Variants in TNPO1 observed in about 807,000 individuals in gnomAD.
TNPO1 encodes transportin-1.
Under a neutral mutation model 119.5 loss-of-function variants are expected in TNPO1, and 8 were observed. The ratio of observed to expected loss-of-function variants is 0.07; its 90% CI spans 0.04 to 0.12. TNPO1 has a LOEUF of 0.12. Ranked by LOEUF, TNPO1 falls within the 10% of genes least tolerant of loss-of-function variation. The pLI, the probability that TNPO1 is intolerant of heterozygous loss-of-function variation, is 1.00. For missense variants in TNPO1, 576 were observed against 1,089.8 expected, an observed-to-expected ratio of 0.53 and a Z score of 6.64; for synonymous variants, 362 against 363.0, an observed-to-expected ratio of 1.00 and a Z score of 0.03.
At position 72,911,241 on chromosome 5, in the gene TNPO1, T is replaced by G. The variant is rs944059573; in HGVS notation, c.*2568T>G. The G allele has an allele frequency of 2.0e-5, 3 of 152,126 alleles. No homozygotes were observed. Among genetic ancestry groups the G allele is most frequent in the South Asian group, 4.1e-4 (2 of 4,824 alleles). 9.4% of individuals were successfully genotyped at this position (152,126 alleles called of 1,614,324 possible). A position where few individuals can be genotyped will look rare whatever the true frequency, so the allele number is the denominator to read the frequency against. ...ATTGACTAAAGGCAATATTGTCACC[T>G]GTCTCATTAAAAATTAGTTTCCAGT... On this transcript the variant is annotated 3_prime_UTR_variant, in exon 25 of 25. Coordinates refer to ENST00000337273, the MANE Select transcript of TNPO1 (RefSeq NM_002270.4).
chr5:72,817,750 G>A (rs1373173458), intron 1 of TNPO1, among the ~76,000 whole-genome samples: 1 of 152,138 alleles, frequency 6.6e-6, no homozygotes, highest in African/African-American at 2.4e-5. Flanking sequence ...GATGTATGGT[G>A]TAATAGGTGT....
At chr5:72,893,336 A>C (rs769287907) in intron 16 of TNPO1, 41 bp from the exon 17 acceptor site, 34 of 1,607,398 alleles carry the variant, frequency 2.1e-5, no homozygotes, top group Non-Finnish European at 2.9e-5. Context: ...TAAGTAGTTA[A>C]TTAAAACCAA....
intron 1 of TNPO1, among the ~76,000 whole-genome samples, chr5:72,818,446 ATGT>A (rs1448351303): frequency 6.6e-6 from 1 of 152,214 alleles, no homozygotes; most frequent in Non-Finnish European, 1.5e-5. Flanking sequence ...GTTTTTCTAA[ATGT>A]TGTAAATGAG....
At chr5:72,846,358 C>T (rs1745129264) in intron 1 of TNPO1, among the ~76,000 whole-genome samples, 1 of 151,440 alleles carries the variant, frequency 6.6e-6, no homozygotes, top group South Asian at 2.1e-4. Flanking sequence ...ATGTATTGGC[C>T]CGGAATTATG....
At chr5:72,905,745 A>G (rs866214135) in intron 24 of TNPO1, among the ~76,000 whole-genome samples, 1 of 152,096 alleles carries the variant, frequency 6.6e-6, no homozygotes, top group Non-Finnish European at 1.5e-5. Context: ...AAATACAAAA[A>G]TTAGCCACGT....
intron 22 of TNPO1, 33 bp from the exon 23 acceptor site, chr5:72,903,676 A>G (rs373951150): frequency 1.4e-6 from 2 of 1,462,468 alleles, no homozygotes; most frequent in African/African-American, 1.4e-5. Flanking sequence ...CAAATACAAT[A>G]TCAACCTAAG....
intron 20 of TNPO1, 79 bp downstream of exon 20, chr5:72,897,230 A>G: frequency 1.1e-6 from 1 of 935,622 alleles, no homozygotes; most frequent in Non-Finnish European, 1.6e-6. Flanking sequence ...AAACCAAAGC[A>G]AAACTAGCTT....
At chr5:72,889,416 T>A (rs904090353) in intron 13 of TNPO1, among the ~76,000 whole-genome samples, 1 of 152,140 alleles carries the variant, frequency 6.6e-6, no homozygotes, top group South Asian at 2.1e-4. Context: ...CTGGAAGATA[T>A]TAAGGGAGGG....
In TNPO1 at chr5:72,897,125, C is replaced by A; in HGVS notation, c.2312C>A (p.Thr771Lys). Residue 771 changes from threonine (T) to lysine (K), a missense_variant, in exon 20 of 25, where the codon ACA (threonine) becomes AAA (lysine). By Grantham distance (78) the Thr-to-Lys change is moderately conservative. This residue lies in a region of TNPO1 where 162 missense variants were observed against 294.1 expected (regional missense o/e 0.55). Coordinates refer to ENST00000337273, the MANE Select transcript of TNPO1 (RefSeq NM_002270.4). The part of the protein sequence containing the change: ...QLVEIINRPN[T>K]PKTLLENTAI... ...GTAGAAATCATTAACAGACCCAACA[C>A]ACCAAAGACGTTGTTAGAGAATACA... 6.2e-7 allele frequency: 1 copy of A among 1,610,808 alleles called. No homozygotes were observed. Among genetic ancestry groups the A allele is most frequent in the East Asian group, 2.2e-5 (1 of 44,652 alleles).
intron 1 of TNPO1, among the ~76,000 whole-genome samples, chr5:72,839,708 G>T (rs1029815266): frequency 1.3e-5 from 2 of 152,060 alleles, no homozygotes; most frequent in Non-Finnish European, 2.9e-5. Flanking sequence ...CTAGAACACC[G>T]CTGCTTATTA....
At chr5:72,850,800 G>A (rs746327262) in intron 2 of TNPO1, among the ~76,000 whole-genome samples, 1 of 152,128 alleles carries the variant, frequency 6.6e-6, no homozygotes, top group Non-Finnish European at 1.5e-5. Context: ...AGTCTGAGAA[G>A]TATCTTTTTT....
chr5:72,890,079 T>C, intron 14 of TNPO1, 122 bp downstream of exon 14: 1 of 1,080,726 alleles, frequency 9.3e-7, no homozygotes, highest in Non-Finnish European at 1.3e-6. Context: ...TTAGCTACTT[T>C]AAGAGTATAG....
At chr5:72,880,828 A>C (rs1253725585) in intron 9 of TNPO1, among the ~76,000 whole-genome samples, 1 of 151,780 alleles carries the variant, frequency 6.6e-6, no homozygotes, top group Non-Finnish European at 1.5e-5. Flanking sequence ...AAAAAAAAAA[A>C]AAAAAACCTC....
intron 4 of TNPO1, among the ~76,000 whole-genome samples, chr5:72,860,936 G>C (rs1746397167): frequency 6.7e-6 from 1 of 149,552 alleles, no homozygotes; most frequent in Non-Finnish European, 1.5e-5. Context: ...TTTTGAGACA[G>C]AATTTCGTTC....
At chr5:72,886,333 TTGTC>T (rs1748633135) in intron 11 of TNPO1, among the ~76,000 whole-genome samples, 1 of 152,184 alleles carries the variant, frequency 6.6e-6, no homozygotes, top group Non-Finnish European at 1.5e-5. Flanking sequence ...AGCTAAGTAA[TTGTC>T]TGTTTAATTC....
At chr5:72,908,136 G>A (rs944417876) in intron 24 of TNPO1, among the ~76,000 whole-genome samples, 1 of 152,094 alleles carries the variant, frequency 6.6e-6, no homozygotes, top group Admixed American at 6.5e-5. Context: ...CTTACTGAAT[G>A]TAGTGACCCT....
intron 2 of TNPO1, 148 bp downstream of exon 2, chr5:72,848,646 AAGCCGCCGCTGC>A (rs1554049416): frequency 5.6e-5 from 17 of 301,666 alleles, no homozygotes; most frequent in Admixed American, 1.1e-4. Context: ...GGCGCGGGGG[AAGCCGCCGCTGC>A]CCCTGCCGGG....
At chr5:72,886,787 G>A (rs1289708704) in intron 11 of TNPO1, among the ~76,000 whole-genome samples, 2 of 151,086 alleles carry the variant, frequency 1.3e-5, no homozygotes, top group Admixed American at 6.6e-5. Flanking sequence ...TACTCAGGGG[G>A]CTAAAGCGGG....
In TNPO1 at chr5:72,877,596, G is replaced by T. The variant is rs191714955; in HGVS notation, c.920+250G>T. On this transcript the variant is annotated intron_variant, in intron 9 of 24. Coordinates refer to ENST00000337273, the MANE Select transcript of TNPO1 (RefSeq NM_002270.4). The stretch of plus-strand genomic sequence containing the variant: ...ATTTACAGCACAGTATTTTTGTGGG[G>T]TTTTTTTGTTTTTTGTTTTGTTTTG... 2.1e-3 allele frequency among the ~76,000 whole-genome samples: 318 copies of T among 151,896 alleles called. 3 individuals carry two copies. Among genetic ancestry groups the T allele is most frequent in the African/African-American group, 7.1e-3 (296 of 41,432 alleles).
Sources: allele counts gnomAD v4.1 joint callset (sites outside exome capture counted in the v4.1 genomes callset), GRCh38; gene constraint gnomAD v4.1.1; regional missense constraint gnomAD v4.1.1; transcripts MANE v1.5; gene names NCBI Gene and HGNC (gene_info 2026-07-23, HGNC 2026-07-21).